The following DST variants were observed in gnomAD, a reference collection of about 807,000 sequenced individuals.
DST encodes the protein dystonin.
In DST, 253 loss-of-function variants were observed where a neutral mutation model predicts 875.2. The ratio of observed to expected loss-of-function variants is 0.29; its 90% CI spans 0.26 to 0.32. The LOEUF (loss-of-function observed/expected upper bound fraction) is 0.32. Among genes scored for constraint, DST ranks in the 10% least tolerant of loss-of-function variants. DST has a pLI of 1.00. For missense variants in DST, 8,287 were observed against 9,111.6 expected (o/e 0.91, Z 3.68); for synonymous variants, 3,124 against 3,197.1 (o/e 0.98, Z 0.77).
chr6:56,610,025 C>G (rs1244375691), intron 39 of DST, among the ~76,000 whole-genome samples: 1 of 152,116 alleles, frequency 6.6e-6, no homozygotes, highest in Non-Finnish European at 1.5e-5. Flanking sequence ...CCTTGTATTA[C>G]TCAAATAAGT....
intron 19 of DST, 59 bp from the exon 20 acceptor site, chr6:56,639,832 A>C: frequency 6.3e-7 from 1 of 1,584,022 alleles, no homozygotes; most frequent in Non-Finnish European, 8.7e-7. Flanking sequence ...TCTGACTCAC[A>C]CTTAATGTAT....
chr6:56,716,230 CAG>C (rs1190907910), intron 5 of DST, among the ~76,000 whole-genome samples: 2 of 152,164 alleles, frequency 1.3e-5, no homozygotes, highest in Admixed American at 1.3e-4. Context: ...TGGAACAGAA[CAG>C]AGAGTCCAGA....
In DST at chr6:56,470,241, T is replaced by A; in HGVS notation, c.22363A>T (p.Ile7455Phe). Residue 7455 changes from isoleucine to phenylalanine, a missense_variant, in exon 96 of 104, where the codon ATC becomes TTC. Physicochemically the swap from Ile to Phe is conservative, Grantham distance 21. This residue lies in a region of DST where 87 missense variants were observed against 209.7 expected (regional missense o/e 0.41). Coordinates refer to ENST00000680361, the MANE Select transcript of DST (RefSeq NM_001374736.1). ...SRLEMSAVAD[I>F]FDRDGDGYID... ...TATCCATCGCCATCTCTGTCAAAGA[T>A]GTCTGCAACTGCGCTCATCTCCAAG... 1 of 1,611,138 alleles carries A rather than the reference T, an allele frequency of 6.2e-7. No homozygotes were observed. Among genetic ancestry groups the A allele is most frequent in the African/African-American group, 1.3e-5 (1 of 75,020 alleles).
At chr6:56,867,987 A>G (rs1775076917) in intron 3 of DST, among the ~76,000 whole-genome samples, 1 of 152,240 alleles carries the variant, frequency 6.6e-6, no homozygotes, top group Non-Finnish European at 1.5e-5. Context: ...TGTTCTAGAA[A>G]TAAACTTCAG....
chr6:56,746,744 T>A (rs185417918), intron 4 of DST, among the ~76,000 whole-genome samples: 1 of 152,324 alleles, frequency 6.6e-6, no homozygotes, highest in Admixed American at 6.5e-5. Context: ...TGTTTATTAC[T>A]ATTAATAATA....
intron 4 of DST, among the ~76,000 whole-genome samples, chr6:56,735,948 T>A (rs1002092021): frequency 6.6e-6 from 1 of 152,186 alleles, no homozygotes; most frequent in Non-Finnish European, 1.5e-5. Context: ...CGCCTCTGCC[T>A]CCTGGGCTCA....
At chr6:56,512,284 C>A (rs905940842) in intron 72 of DST, among the ~76,000 whole-genome samples, 9 of 152,196 alleles carry the variant, frequency 5.9e-5, no homozygotes, top group Non-Finnish European at 7.4e-5. Context: ...AGTGGATCCC[C>A]ATTCCCTTTA....
intron 4 of DST, among the ~76,000 whole-genome samples, chr6:56,828,234 A>G (rs1395493567): frequency 6.6e-6 from 1 of 152,186 alleles, no homozygotes. Flanking sequence ...AGAGCAACAC[A>G]CTAATCCAAG....
chr6:56,624,153 T>C (rs2098713865), intron 36 of DST, among the ~76,000 whole-genome samples: 1 of 152,140 alleles, frequency 6.6e-6, no homozygotes, highest in Admixed American at 6.6e-5. Flanking sequence ...GGTATTCCTG[T>C]AGACATCATA....
At chr6:56,674,801 T>G (rs1461776958) in intron 9 of DST, among the ~76,000 whole-genome samples, 2 of 152,200 alleles carry the variant, frequency 1.3e-5, no homozygotes, top group Admixed American at 6.5e-5. Flanking sequence ...ATTCATGAAT[T>G]TGAAGAATTA....
chr6:56,463,492 A>T lies in DST; in HGVS notation c.22959+73T>A, dbSNP rs567980821. 22 of 1,360,008 alleles carry T rather than the reference A, an allele frequency of 1.6e-5. 1 individual carries two copies. The South Asian group carries it at 2.7e-4, about 17-fold the overall frequency. 84.2% of individuals were successfully genotyped at this position (1,360,008 alleles called of 1,614,324 possible). A position where few individuals can be genotyped will look rare whatever the true frequency, so the allele number is the denominator to read the frequency against. ...TGGTCCTACAAATTCTAGGGCCCTA[A>T]ATAGAACATTCAAAAGTCTACTTGG... On this transcript the variant is annotated intron_variant, in intron 101 of 103. Coordinates refer to ENST00000680361, the MANE Select transcript of DST (RefSeq NM_001374736.1).
At chr6:56,742,944 T>TA (rs2099552470) in intron 4 of DST, among the ~76,000 whole-genome samples, 1 of 152,228 alleles carries the variant, frequency 6.6e-6, no homozygotes, top group Non-Finnish European at 1.5e-5. Context: ...GTCCTCAGTT[T>TA]AAAGCTGTGA....
Position 56,684,131 on chromosome 6 carries a change from C to A in DST, c.1048-13324G>T, listed in dbSNP as rs2099169450. Among the ~76,000 whole-genome samples, 6 of 152,206 alleles carry A rather than the reference C, an allele frequency of 3.9e-5. No homozygotes were observed. The South Asian group carries it at 1.0e-3, about 26-fold the overall frequency. ...TATGAGCAAAGTCAATGCCACCAGA[C>A]AACTGGGCAACAGAAGCACCCTATT... On this transcript the variant is annotated intron_variant, in intron 9 of 103. Transcript: ENST00000680361.
At chr6:56,680,706 T>A (rs371728948) in intron 9 of DST, among the ~76,000 whole-genome samples, 2 of 152,208 alleles carry the variant, frequency 1.3e-5, no homozygotes, top group East Asian at 1.9e-4. Flanking sequence ...CCCCAGGGCA[T>A]AGGCCTCAGG....
chr6:56,806,204 C>G (rs1005519779), intron 4 of DST, among the ~76,000 whole-genome samples: 4 of 152,102 alleles, frequency 2.6e-5, no homozygotes, highest in Non-Finnish European at 5.9e-5. Context: ...ATAAATGAGG[C>G]AAAATTTAAA....
At chr6:56,906,257 C>T (rs1475830461) in intron 2 of DST, among the ~76,000 whole-genome samples, 1 of 152,128 alleles carries the variant, frequency 6.6e-6, no homozygotes, top group East Asian at 1.9e-4. Context: ...GAAGAAATTA[C>T]TAGGCAGATA....
chr6:56,615,351 A>G, intron 36 of DST: 1 of 1,471,684 alleles, frequency 6.8e-7, no homozygotes, highest in Non-Finnish European at 9.0e-7. Flanking sequence ...GTAATTTTCA[A>G]TTTAAAACTT....
chr6:56,792,557 T>C (rs1378314289), intron 4 of DST, among the ~76,000 whole-genome samples: 2 of 151,956 alleles, frequency 1.3e-5, no homozygotes, highest in Non-Finnish European at 2.9e-5. Context: ...CATCTCAATA[T>C]CCCTAGTAGC....
Position 56,565,119 on chromosome 6 carries a change from T to C in DST, c.14006-2919A>G, listed in dbSNP as rs551980069. Among the ~76,000 whole-genome samples the C allele has an allele frequency of 6.7e-5, 10 of 149,482 alleles. No homozygotes were observed. In the South Asian group the frequency reaches 1.9e-3, roughly 28 times the overall value. ...AGTCCCTCTTTCTCTTTTCTTTTTT[T>C]TTTTTCTTTTTTTTTTTTTGTGACG... On this transcript the variant is annotated intron_variant, in intron 55 of 103. Transcript: ENST00000680361.
Sources: gnomAD v4.1 joint callset for allele counts (sites outside exome capture counted in the v4.1 genomes callset) on GRCh38, gnomAD v4.1.1 for gene constraint, gnomAD v4.1.1 regional missense constraint, MANE v1.5 for transcripts, NCBI Gene and HGNC (gene_info 2026-07-23, HGNC 2026-07-21) for gene names.